The following PCDH9 variants were observed in gnomAD, a reference collection of about 807,000 sequenced individuals.
PCDH9 encodes protocadherin 9, also known as protocadherin-9.
Under a neutral mutation model 70.6 loss-of-function variants are expected in PCDH9, and 24 were observed. The ratio of observed to expected loss-of-function variants is 0.34; its 90% CI spans 0.25 to 0.48. The LOEUF is 0.48. Among genes scored for constraint, PCDH9 ranks in the 20% least tolerant of loss-of-function variants. PCDH9 has a pLI of 0.99. For missense variants in PCDH9, 1,281 were observed against 1,503.6 expected (o/e 0.85, Z 2.45); for synonymous variants, 562 against 558.5 (o/e 1.01, Z -0.09).
intron 3 of PCDH9, chr13:66,825,334 C>CTTTTTTTT (rs11375050): frequency 2.9e-5 from 3 of 103,854 alleles, no homozygotes; most frequent in Non-Finnish European, 5.4e-5. Flanking sequence ...GTTATAAAAA[C>CTTTTTTTT]TTTTTTTTTT....
At chr13:66,336,391 A>G (rs1956038445) in intron 4 of PCDH9, among the ~76,000 whole-genome samples, 1 of 152,056 alleles carries the variant, frequency 6.6e-6, no homozygotes, top group South Asian at 2.1e-4. Flanking sequence ...CCTATGTTAT[A>G]TACTTCAGAG....
At chr13:66,926,420 T>A (rs1403555997) in intron 2 of PCDH9, among the ~76,000 whole-genome samples, 1 of 151,972 alleles carries the variant, frequency 6.6e-6, no homozygotes, top group East Asian at 1.9e-4. Flanking sequence ...AAACTTCCTG[T>A]TTTCTTCTAA....
At chr13:66,593,998 G>A (rs534043669) in intron 4 of PCDH9, among the ~76,000 whole-genome samples, 5 of 151,392 alleles carry the variant, frequency 3.3e-5, no homozygotes, top group Non-Finnish European at 7.4e-5. Context: ...TGGACAACAC[G>A]TGATATGGCA....
intron 3 of PCDH9, among the ~76,000 whole-genome samples, chr13:66,891,699 A>G (rs1253807987): frequency 6.6e-6 from 1 of 152,060 alleles, no homozygotes; most frequent in Admixed American, 6.6e-5. Context: ...AGCTTCCCCA[A>G]CGTATGCTTT....
chr13:67,129,764 A>G (rs1322945709), intron 2 of PCDH9, among the ~76,000 whole-genome samples: 2 of 152,066 alleles, frequency 1.3e-5, no homozygotes, highest in Non-Finnish European at 1.5e-5. Flanking sequence ...ACAAGACACT[A>G]CTACAAAATA....
chr13:66,732,684 C>T (rs923895604), intron 3 of PCDH9, among the ~76,000 whole-genome samples: 1 of 151,976 alleles, frequency 6.6e-6, no homozygotes, highest in Non-Finnish European at 1.5e-5. Context: ...CTTATATCTC[C>T]AAATTATGTT....
At chr13:66,831,930 T>C (rs1323927987) in intron 3 of PCDH9, among the ~76,000 whole-genome samples, 2 of 152,156 alleles carry the variant, frequency 1.3e-5, no homozygotes, top group Non-Finnish European at 1.5e-5. Flanking sequence ...GTCTGCATAA[T>C]TCCTTATAAA....
intron 2 of PCDH9, among the ~76,000 whole-genome samples, chr13:67,052,978 G>A (rs1373989242): frequency 6.6e-6 from 1 of 152,054 alleles, no homozygotes; most frequent in Non-Finnish European, 1.5e-5. Flanking sequence ...ATCAGAGCTT[G>A]GAAGTGAGTT....
intron 4 of PCDH9, among the ~76,000 whole-genome samples, chr13:66,326,699 A>C (rs1279185585): frequency 1.3e-5 from 2 of 152,194 alleles, no homozygotes; most frequent in African/African-American, 4.8e-5. Context: ...TACAGGTGTG[A>C]GCCACCGCTC....
chr13:67,088,800 G>C (rs1238729056), intron 2 of PCDH9, among the ~76,000 whole-genome samples: 1 of 151,968 alleles, frequency 6.6e-6, no homozygotes, highest in African/African-American at 2.4e-5. Flanking sequence ...CTACTGAGCA[G>C]TTTAACTATG....
intron 2 of PCDH9, among the ~76,000 whole-genome samples, chr13:66,931,848 G>A (rs1465332076): frequency 6.6e-6 from 1 of 151,952 alleles, no homozygotes; most frequent in Non-Finnish European, 1.5e-5. Context: ...AGCACCCCCC[G>A]ACACCCAAAA....
At chr13:66,339,589 T>C (rs1956092751) in intron 4 of PCDH9, among the ~76,000 whole-genome samples, 1 of 152,178 alleles carries the variant, frequency 6.6e-6, no homozygotes, top group African/African-American at 2.4e-5. Flanking sequence ...ACATTCAGAA[T>C]AGCATTGCTA....
intron 2 of PCDH9, among the ~76,000 whole-genome samples, chr13:67,129,621 A>C (rs2087061219): frequency 7.1e-6 from 1 of 141,454 alleles, no homozygotes; most frequent in South Asian, 2.2e-4. Flanking sequence ...AATCATATAA[A>C]TATACATATA....
At chr13:66,633,104 T>C (rs1175744239) in intron 3 of PCDH9, among the ~76,000 whole-genome samples, 5 of 152,160 alleles carry the variant, frequency 3.3e-5, no homozygotes, top group Non-Finnish European at 5.9e-5. Context: ...AGAGTCATAA[T>C]GGAGTAGAGA....
chr13:66,444,408 G>T (rs1452773659), intron 4 of PCDH9, among the ~76,000 whole-genome samples: 1 of 152,010 alleles, frequency 6.6e-6, no homozygotes, highest in Non-Finnish European at 1.5e-5. Context: ...ACATAGTGTA[G>T]CTCAGAGGCA....
intron 2 of PCDH9, among the ~76,000 whole-genome samples, chr13:67,148,194 TC>T (rs2087569463): frequency 7.1e-6 from 1 of 140,142 alleles, no homozygotes; most frequent in African/African-American, 2.6e-5. Context: ...TAAGGCTACC[TC>T]CATGTCTTTT....
intron 3 of PCDH9, among the ~76,000 whole-genome samples, chr13:66,774,688 C>T (rs997973043): frequency 6.6e-6 from 1 of 152,052 alleles, no homozygotes; most frequent in Non-Finnish European, 1.5e-5. Flanking sequence ...TTTACAATAC[C>T]CCAAATGACG....
At chr13:67,016,762 T>C (rs1054796020) in intron 2 of PCDH9, among the ~76,000 whole-genome samples, 1 of 152,226 alleles carries the variant, frequency 6.6e-6, no homozygotes, top group Non-Finnish European at 1.5e-5. Flanking sequence ...ATTTTAGCAA[T>C]AGTCTTATAT....
At chr13:67,193,805 CA>C (rs1466296276) in intron 2 of PCDH9, among the ~76,000 whole-genome samples, 3 of 152,058 alleles carry the variant, frequency 2.0e-5, no homozygotes, top group Admixed American at 6.5e-5. Context: ...CTGAAATCCC[CA>C]TGGAAACGAC....
Sources: allele counts gnomAD v4.1 joint callset (sites outside exome capture counted in the v4.1 genomes callset), GRCh38; gene constraint gnomAD v4.1.1; transcripts MANE v1.5; gene names NCBI Gene and HGNC (gene_info 2026-07-23, HGNC 2026-07-21).